The following PCTP variants were observed in gnomAD, a reference collection of about 807,000 sequenced individuals.
The protein encoded by PCTP is START domain-containing protein 2.
In PCTP, 27 loss-of-function variants were observed where a neutral mutation model predicts 31.0. That is an observed-to-expected ratio of 0.87 (90% confidence interval 0.64 to 1.20). The LOEUF is 1.20. Ranked by LOEUF, PCTP falls within the 50% of genes most tolerant of loss-of-function variation. The pLI is 0.00. For synonymous variants in PCTP, 108 were observed against 101.2 expected (o/e 1.07, Z -0.40); for missense variants, 287 against 268.2 (o/e 1.07, Z -0.49).
chr17:55,812,259 T>A (rs1055358292), intron 3 of PCTP, among the ~76,000 whole-genome samples: 12 of 152,220 alleles, frequency 7.9e-5, no homozygotes, highest in African/African-American at 2.9e-4. Flanking sequence ...CCAACATTTC[T>A]TAAGTCTGCA....
At chr17:55,841,036 A>G (rs1310236890) in intron 5 of PCTP, among the ~76,000 whole-genome samples, 1 of 152,216 alleles carries the variant, frequency 6.6e-6, no homozygotes, top group Non-Finnish European at 1.5e-5. Flanking sequence ...CGTGAAACAT[A>G]TCTTCCACGA....
intron 3 of PCTP, among the ~76,000 whole-genome samples, chr17:55,791,171 C>T (rs9709068): frequency 0.14 from 21,017 of 151,170 alleles, 1,491 homozygotes; most frequent in Middle Eastern, 0.19. Flanking sequence ...GGATTAAAGA[C>T]GTAAACGTTA....
At chr17:55,764,162 A>G (rs1019451770) in intron 1 of PCTP, among the ~76,000 whole-genome samples, 2 of 152,216 alleles carry the variant, frequency 1.3e-5, no homozygotes, top group African/African-American at 4.8e-5. Context: ...AGTGTAAGGG[A>G]ACAGTGTGTT....
intron 3 of PCTP, among the ~76,000 whole-genome samples, chr17:55,797,048 G>C (rs923801926): frequency 2.6e-5 from 4 of 151,894 alleles, no homozygotes; most frequent in Non-Finnish European, 4.4e-5. Flanking sequence ...AGTAGAAAAG[G>C]AAGATCCATG....
intron 3 of PCTP, among the ~76,000 whole-genome samples, chr17:55,788,167 C>G (rs1453102112): frequency 2.0e-5 from 3 of 152,180 alleles, no homozygotes. Flanking sequence ...TAATTGATTA[C>G]CAACCAAAAT....
intron 3 of PCTP, among the ~76,000 whole-genome samples, chr17:55,796,438 G>A (rs1045630587): frequency 3.9e-5 from 6 of 152,062 alleles, no homozygotes; most frequent in Admixed American, 3.3e-4. Flanking sequence ...TTGGAGTACT[G>A]TTTTGAGAAC....
chr17:55,776,095 A>G lies in PCTP; in HGVS notation c.640A>G (p.Thr214Ala). Residue 214 changes from threonine (T) to alanine (A), a missense_variant, in exon 6 of 6, where the codon ACC becomes GCC. By Grantham distance (58) the Thr-to-Ala change is moderately conservative. Transcript: ENST00000268896. ...AGCCTGTCAGAACTACCTCAAGAAA[A>G]CCTAAGAAAGAGAACTGGGAACATT... is the stretch of plus-strand genomic sequence containing the variant. Reference protein sequence around the residue: ...ARACQNYLKKT With the variant: ...ARACQNYLKKA 6.2e-7 allele frequency: 1 copy of G among 1,613,990 alleles called. No individual in the cohort carries two copies. Among genetic ancestry groups the G allele is most frequent in the Non-Finnish European group, 8.5e-7 (1 of 1,179,952 alleles).
chr17:55,828,968 G>A (rs1905502837), intron 5 of PCTP, among the ~76,000 whole-genome samples: 1 of 152,124 alleles, frequency 6.6e-6, no homozygotes, highest in Admixed American at 6.5e-5. Context: ...TGTTAAAAAC[G>A]GAAGAGATGC....
chr17:55,838,112 G>T (rs1292851043), intron 5 of PCTP, among the ~76,000 whole-genome samples: 1 of 152,192 alleles, frequency 6.6e-6, no homozygotes, highest in Admixed American at 6.5e-5. Context: ...TTGCACTCCA[G>T]ATTGGGTGAC....
chr17:55,789,627 T>C (rs1314196019), intron 3 of PCTP, among the ~76,000 whole-genome samples: 1 of 152,172 alleles, frequency 6.6e-6, no homozygotes, highest in Non-Finnish European at 1.5e-5. Flanking sequence ...ATCCCTTCCT[T>C]CAGGTCTTAC....
At chr17:55,792,644 G>A (rs1000201635) in intron 3 of PCTP, among the ~76,000 whole-genome samples, 3 of 152,074 alleles carry the variant, frequency 2.0e-5, no homozygotes, top group African/African-American at 7.2e-5. Flanking sequence ...AGTGATTAGA[G>A]TTAATTATCC....
At chr17:55,774,266 G>T (rs1378320950) in intron 4 of PCTP, among the ~76,000 whole-genome samples, 2 of 152,158 alleles carry the variant, frequency 1.3e-5, no homozygotes, top group East Asian at 3.8e-4. Context: ...GGAGGTCTCA[G>T]CTCTGGCTCA....
At chr17:55,810,866 G>A (rs1912729926) in intron 3 of PCTP, among the ~76,000 whole-genome samples, 3 of 152,196 alleles carry the variant, frequency 2.0e-5, no homozygotes, top group Non-Finnish European at 1.5e-5. Context: ...TAATGACCAG[G>A]AGAATAAAAG....
chr17:55,765,574 A>G (rs147078695), intron 1 of PCTP, among the ~76,000 whole-genome samples: 1 of 152,268 alleles, frequency 6.6e-6, no homozygotes, highest in East Asian at 1.9e-4. Flanking sequence ...ATCATTTCTT[A>G]TCTGAACTAT....
chr17:55,819,331 A>C (rs1385597395), intron 3 of PCTP, among the ~76,000 whole-genome samples: 2 of 152,174 alleles, frequency 1.3e-5, no homozygotes, highest in Non-Finnish European at 2.9e-5. Context: ...AAAGAAATAA[A>C]AGACATTAAG....
rs528969529 is a variant in PCTP, at chr17:55,815,353, C to A, written c.318-7408C>A. ...TGGAAATACATCTTTTAAAATTAAT[C>A]AAGCCCACTCCGCTAAAAGATAGAT... is the stretch of plus-strand genomic sequence containing the variant. On this transcript the variant is annotated intron_variant, in intron 3 of 3. Coordinates refer to the PCTP transcript ENST00000572536. Among the ~76,000 whole-genome samples the A allele has an allele frequency of 5.6e-4, 85 of 152,262 alleles. 1 individual carries two copies. Among genetic ancestry groups the A allele is most frequent in the Admixed American group, 5.9e-4 (9 of 15,294 alleles).
At chr17:55,775,550 A>G in intron 5 of PCTP, 1 of 1,173,254 alleles carries the variant, frequency 8.5e-7, no homozygotes, top group Middle Eastern at 3.3e-4. Flanking sequence ...AAAAATGAAG[A>G]TAGATGTCTT....
At chr17:55,802,240 A>G (rs1395525580) in intron 3 of PCTP, among the ~76,000 whole-genome samples, 1 of 152,220 alleles carries the variant, frequency 6.6e-6, no homozygotes, top group East Asian at 1.9e-4. Flanking sequence ...TACCAACCAA[A>G]AAAAGCTCAG....
chr17:55,788,017 G>A (rs549439988), intron 3 of PCTP, among the ~76,000 whole-genome samples: 1 of 152,216 alleles, frequency 6.6e-6, no homozygotes, highest in South Asian at 2.1e-4. Flanking sequence ...TTCTATCAAT[G>A]CTGTCTAAGT....
Sources: gnomAD v4.1 joint callset for allele counts (sites outside exome capture counted in the v4.1 genomes callset) on GRCh38, gnomAD v4.1.1 for gene constraint, MANE v1.5 for transcripts, NCBI Gene and HGNC (gene_info 2026-07-23, HGNC 2026-07-21) for gene names.